The following UBASH3A variants were observed in gnomAD, a reference collection of about 807,000 sequenced individuals.
UBASH3A encodes the protein ubiquitin-associated and SH3 domain-containing protein A.
In UBASH3A, 63 loss-of-function variants were observed where a neutral mutation model predicts 73.5. That is an observed-to-expected ratio of 0.86 (90% CI 0.70 to 1.06). The LOEUF (loss-of-function observed/expected upper bound fraction) is 1.06. Ranked by LOEUF, UBASH3A falls within the 50% of genes least tolerant of loss-of-function variation. The probability of loss-of-function intolerance (pLI) is 0.00; values close to 1 mark genes in which losing one functional copy is unlikely to be tolerated. For synonymous variants in UBASH3A, 363 were observed against 351.1 expected (o/e 1.03, Z -0.38); for missense variants, 860 against 859.0 (o/e 1.00, Z -0.02).
chr21:42,421,869 G>C (rs1427237716), intron 7 of UBASH3A, among the ~76,000 whole-genome samples: 1 of 152,170 alleles, frequency 6.6e-6, no homozygotes, highest in Non-Finnish European at 1.5e-5. Flanking sequence ...GAAAAGAAAA[G>C]ATGGTTTAAT....
intron 9 of UBASH3A, among the ~76,000 whole-genome samples, chr21:42,433,889 G>A (rs1226469508): frequency 6.6e-6 from 1 of 152,156 alleles, no homozygotes; most frequent in Non-Finnish European, 1.5e-5. Context: ...GGCATATTCT[G>A]GGGTGCAAAG....
At chr21:42,444,491 C>T in intron 13 of UBASH3A, 43 bp from the exon 14 acceptor site, 1 of 1,483,410 alleles carries the variant, frequency 6.7e-7, no homozygotes. Context: ...AAAAGGTGCT[C>T]TCTGGGGCTG....
At chr21:42,436,247 T>C (rs1178609553) in intron 10 of UBASH3A, among the ~76,000 whole-genome samples, 1 of 152,114 alleles carries the variant, frequency 6.6e-6, no homozygotes, top group African/African-American at 2.4e-5. Context: ...AGTTATAAAG[T>C]CATAGAGTCA....
intron 3 of UBASH3A, among the ~76,000 whole-genome samples, chr21:42,410,862 C>T (rs2053076626): frequency 1.3e-5 from 2 of 151,996 alleles, no homozygotes; most frequent in Non-Finnish European, 2.9e-5. Context: ...CAGAGACTTA[C>T]ACATGCACAC....
chr21:42,445,397 T>G (rs992274333), intron 14 of UBASH3A, among the ~76,000 whole-genome samples: 4 of 152,246 alleles, frequency 2.6e-5, no homozygotes, highest in Admixed American at 2.6e-4. Context: ...TCGGAGGTGC[T>G]TGAGGCCCTG....
chr21:42,442,327 T>C, intron 11 of UBASH3A, 125 bp from the exon 12 acceptor site: 2 of 1,019,232 alleles, frequency 2.0e-6, no homozygotes, highest in African/African-American at 1.6e-5. Flanking sequence ...AAGAAGAAAA[T>C]CACACTGTTT....
chr21:42,415,667 C>T (rs975632485), intron 5 of UBASH3A, among the ~76,000 whole-genome samples: 1 of 152,192 alleles, frequency 6.6e-6, no homozygotes, highest in South Asian at 2.1e-4. Context: ...CAGGCGCTGC[C>T]GTCCTCCAGC....
intron 10 of UBASH3A, chr21:42,435,564 A>G (rs2053611337): frequency 1.3e-5 from 2 of 152,510 alleles, no homozygotes; most frequent in Non-Finnish European, 2.9e-5. Context: ...AGTCCGAGTT[A>G]TAGAGTTATA....
Position 42,443,295 on chromosome 21 carries a change from CCTT to C in UBASH3A, c.1632-14_1632-12del, listed in dbSNP as rs575074050. On this transcript the variant is annotated splice_polypyrimidine_tract_variant and intron_variant, in intron 12 of 14. Transcript: ENST00000319294. ...CGAAAGTGCCAGGGCAGCAGCCTCT[CCTT>C]CTCATCCTTCCAGGCCCGCGTTTCC... 315 of 1,608,148 alleles carry C rather than the reference CCTT, an allele frequency of 2.0e-4. 1 individual carries two copies. Among genetic ancestry groups the C allele is most frequent in the Non-Finnish European group, 2.6e-4 (310 of 1,176,808 alleles).
chr21:42,432,343 A>C (rs2053547052), intron 9 of UBASH3A, 141 bp downstream of exon 9: 4 of 546,706 alleles, frequency 7.3e-6, no homozygotes, highest in Non-Finnish European at 1.3e-5. Context: ...GTATGTGTGG[A>C]AAACGTGCCT....
chr21:42,437,721 G>C, intron 11 of UBASH3A, 141 bp downstream of exon 11: 1 of 730,594 alleles, frequency 1.4e-6, no homozygotes, highest in Admixed American at 2.1e-5. Context: ...GTACGAGCCA[G>C]CCCTCCAAGG....
Position 42,425,483 on chromosome 21 carries a change from C to T in UBASH3A, c.1047-1214C>T, listed in dbSNP as rs539622566. Among the ~76,000 whole-genome samples, 51 of 152,344 alleles carry T rather than the reference C, an allele frequency of 3.3e-4. No homozygotes were observed. In the East Asian group the frequency reaches 9.6e-3, roughly 29 times the overall value. On this transcript the variant is annotated intron_variant, in intron 7 of 14. Coordinates refer to ENST00000319294, the MANE Select transcript of UBASH3A (RefSeq NM_018961.4). ...ATGTGGGGCTATGAATTGTGCCTCACTGCTCTGAGCATGTTAATTTGAAGA... is the reference window on the plus strand; with the variant it reads ...ATGTGGGGCTATGAATTGTGCCTCATTGCTCTGAGCATGTTAATTTGAAGA...
chr21:42,416,846 T>C (rs1391689886), intron 6 of UBASH3A, among the ~76,000 whole-genome samples: 1 of 152,010 alleles, frequency 6.6e-6, no homozygotes, highest in Non-Finnish European at 1.5e-5. Flanking sequence ...GGCAGGAGAA[T>C]GGAGTGAACC....
chr21:42,442,607 C>T lies in UBASH3A; in HGVS notation c.1631+11C>T. ...TGACACTGATTACAGGTATGCTGTT[C>T]TAAAGTTCTCTGCCACTGGGGCTTT... On this transcript the variant is annotated intron_variant, in intron 12 of 14. Coordinates refer to ENST00000319294, the MANE Select transcript of UBASH3A (RefSeq NM_018961.4). 1 of 1,592,612 alleles carries T rather than the reference C, an allele frequency of 6.3e-7. No homozygotes were observed.
rs112003424 is a variant in UBASH3A at position 42,427,842 on chromosome 21, G to C, written c.1170+1022G>C. On this transcript the variant is annotated intron_variant, in intron 8 of 14. Transcript: ENST00000319294. ...AGAACAACCAAAGGAAGGCTCTGCC[G>C]GGACTTGTCAGTGGCTCACCCTAAG... 2.9e-4 allele frequency among the ~76,000 whole-genome samples: 44 copies of C among 152,276 alleles called. 1 individual carries two copies. Among genetic ancestry groups the C allele is most frequent in the African/African-American group, 1.0e-3 (42 of 41,558 alleles).
chr21:42,404,711 C>T (rs1401919071), intron 1 of UBASH3A, among the ~76,000 whole-genome samples: 1 of 152,230 alleles, frequency 6.6e-6, no homozygotes. Context: ...GTCAGCAGGG[C>T]TGTGCTTCCA....
At chr21:42,443,819 C>T (rs943223420) in intron 13 of UBASH3A, among the ~76,000 whole-genome samples, 2 of 152,324 alleles carry the variant, frequency 1.3e-5, no homozygotes, top group African/African-American at 2.4e-5. Context: ...ACTCCCCTGC[C>T]GCCCAGGCCC....
intron 5 of UBASH3A, among the ~76,000 whole-genome samples, chr21:42,414,138 G>A (rs1158576977): frequency 6.6e-6 from 1 of 152,134 alleles, no homozygotes; most frequent in South Asian, 2.1e-4. Flanking sequence ...GCTGAGATTT[G>A]CCGACTCTAA....
rs768414096 is a variant in UBASH3A, at chr21:42,409,422, G to T, written c.168G>T (p.Trp56Cys). The T allele has an allele frequency of 1.9e-6, 3 of 1,569,722 alleles. No individual in the cohort carries two copies. In the South Asian group the frequency reaches 3.5e-5, roughly 18 times the overall value. The change falls in exon 3 of 15, where the codon TGG becomes TGT. Residue 56 changes from tryptophan to cysteine, a missense_variant and splice_region_variant. Coordinates refer to ENST00000319294, the MANE Select transcript of UBASH3A (RefSeq NM_018961.4). ...GRKTAEEALA[W>C]LHDHCNDPSL... ...GATGCCGGCTTGCTCTCTGTTGCAG[G>T]CTGCATGATCATTGCAATGACCCTT...
Sources: gnomAD v4.1 joint callset for allele counts (sites outside exome capture counted in the v4.1 genomes callset) on GRCh38, gnomAD v4.1.1 for gene constraint, MANE v1.5 for transcripts, NCBI Gene and HGNC (gene_info 2026-07-23, HGNC 2026-07-21) for gene names.